The following GRM7 variants were observed in gnomAD, a reference collection of about 807,000 sequenced individuals.
The protein encoded by GRM7 is glutamate metabotropic receptor 7.
GRM7 carries 35 observed loss-of-function variants against 84.5 expected under a neutral mutation model. The ratio of observed to expected loss-of-function variants is 0.41; its 90% CI spans 0.32 to 0.55. The LOEUF (loss-of-function observed/expected upper bound fraction) is 0.55, where lower values mean the gene tolerates loss of function less well. Ranked by LOEUF, GRM7 falls within the 20% of genes least tolerant of loss-of-function variation. The probability of loss-of-function intolerance (pLI) is 0.19; values close to 1 mark genes in which losing one functional copy is unlikely to be tolerated. For missense variants in GRM7, 1,003 were observed against 1,194.6 expected (o/e 0.84, Z 2.36); for synonymous variants, 487 against 455.1 (o/e 1.07, Z -0.89).
intron 1 of GRM7, among the ~76,000 whole-genome samples, chr3:7,029,328 C>A (rs2324049): frequency 0.47 from 65,600 of 139,512 alleles, 15,948 homozygotes; most frequent in South Asian, 0.6. Context: ...AAAAAAAAAA[C>A]AAACAAAAAA....
At chr3:7,033,938 G>A (rs1045453196) in intron 1 of GRM7, among the ~76,000 whole-genome samples, 1 of 152,136 alleles carries the variant, frequency 6.6e-6, no homozygotes, top group African/African-American at 2.4e-5. Context: ...TTAGGTTACA[G>A]GTACAATAGA....
At chr3:7,135,604 A>G (rs1693745745) in intron 1 of GRM7, among the ~76,000 whole-genome samples, 2 of 152,174 alleles carry the variant, frequency 1.3e-5, no homozygotes, top group South Asian at 4.1e-4. Flanking sequence ...AAAAAGTAAG[A>G]TACTCCTCAG....
rs3063449 is a variant in GRM7 at position 6,998,119 on chromosome 3, C to CA, written c.519+136232dup. Among the ~76,000 whole-genome samples, 87 of 18,432 alleles carry CA rather than the reference C, an allele frequency of 4.7e-3. 6 individuals carry two copies. The highest frequency in any genetic ancestry group is 0.013 in the African/African-American group (71 of 5,460). The allele number at this position is 18,432 out of a possible 152,430, so 12.1% of individuals were successfully genotyped here. On this transcript the variant is annotated intron_variant, in intron 1 of 9. Coordinates refer to ENST00000357716, the MANE Select transcript of GRM7 (RefSeq NM_000844.4). ...GGGCAAAAACAGCAAATCTCCATCT[C>CA]AAAAAAAAAAAAAAAAAAAAGCAGG...
At chr3:6,921,928 A>G (rs1030694662) in intron 1 of GRM7, among the ~76,000 whole-genome samples, 6 of 152,142 alleles carry the variant, frequency 3.9e-5, no homozygotes, top group Non-Finnish European at 5.9e-5. Flanking sequence ...TGTGTAGCAC[A>G]CTTGCCACTT....
intron 8 of GRM7, among the ~76,000 whole-genome samples, chr3:7,652,190 C>T (rs1458700291): frequency 2.0e-5 from 3 of 152,136 alleles, no homozygotes; most frequent in Admixed American, 1.3e-4. Context: ...CAAACTGGTA[C>T]ATGTTTGAGA....
intron 1 of GRM7, among the ~76,000 whole-genome samples, chr3:6,979,420 A>G (rs970849893): frequency 3.3e-5 from 5 of 152,182 alleles, no homozygotes; most frequent in East Asian, 1.9e-4. Context: ...AAACATACCC[A>G]TAGACATGTG....
chr3:7,348,990 G>A (rs1254993947), intron 4 of GRM7, among the ~76,000 whole-genome samples: 1 of 152,104 alleles, frequency 6.6e-6, no homozygotes. Flanking sequence ...GATGGGCCAT[G>A]CCTTCATGCA....
At chr3:6,898,106 C>T (rs73124757) in intron 1 of GRM7, among the ~76,000 whole-genome samples, 22 of 152,066 alleles carry the variant, frequency 1.4e-4, no homozygotes, top group Non-Finnish European at 2.6e-4. Context: ...TTAGGCCATG[C>T]GAGACATCCA....
At chr3:7,338,024 A>G (rs1379345243) in intron 4 of GRM7, among the ~76,000 whole-genome samples, 1 of 151,826 alleles carries the variant, frequency 6.6e-6, no homozygotes, top group Admixed American at 6.6e-5. Context: ...ACAATGAGCA[A>G]ATAAAGAAAA....
At chr3:7,071,392 C>T (rs1697877581) in intron 1 of GRM7, among the ~76,000 whole-genome samples, 1 of 152,112 alleles carries the variant, frequency 6.6e-6, no homozygotes, top group African/African-American at 2.4e-5. Flanking sequence ...GGCTCCATCC[C>T]TGCTTTTAAA....
At chr3:7,543,450 C>T (rs1217688080) in intron 7 of GRM7, among the ~76,000 whole-genome samples, 1 of 152,210 alleles carries the variant, frequency 6.6e-6, no homozygotes, top group Non-Finnish European at 1.5e-5. Flanking sequence ...TATGCAGCTT[C>T]TGTGCCTGCT....
At chr3:7,094,389 G>A (rs1698780063) in intron 1 of GRM7, among the ~76,000 whole-genome samples, 1 of 152,142 alleles carries the variant, frequency 6.6e-6, no homozygotes, top group Non-Finnish European at 1.5e-5. Flanking sequence ...TTGACTGTTG[G>A]CCTTTAGAAG....
chr3:7,213,326 T>C (rs892754944), intron 2 of GRM7, among the ~76,000 whole-genome samples: 2 of 152,154 alleles, frequency 1.3e-5, no homozygotes, highest in Non-Finnish European at 1.5e-5. Flanking sequence ...CTTTCAAATA[T>C]CTAAGGAGTA....
At chr3:7,090,724 C>T (rs1008500588) in intron 1 of GRM7, among the ~76,000 whole-genome samples, 1 of 152,122 alleles carries the variant, frequency 6.6e-6, no homozygotes, top group East Asian at 1.9e-4. Context: ...ATTTAAGGAA[C>T]TCAAACTAGA....
At chr3:7,549,204 A>C (rs899295940) in intron 7 of GRM7, among the ~76,000 whole-genome samples, 5 of 152,220 alleles carry the variant, frequency 3.3e-5, no homozygotes, top group African/African-American at 1.2e-4. Flanking sequence ...CAATACATTA[A>C]ATTAAAAGCA....
chr3:7,258,358 G>A lies in GRM7; in HGVS notation c.737-40326G>A, dbSNP rs141587643. On this transcript the variant is annotated intron_variant, in intron 2 of 9. Transcript: ENST00000357716. Reference sequence around the variant, plus strand: ...ATGGGTGATCAAGTTGAGAAAGTAGGCTTTATGCCAACATTTGAAAACCCT... The same window carrying A: ...ATGGGTGATCAAGTTGAGAAAGTAGACTTTATGCCAACATTTGAAAACCCT... Among the ~76,000 whole-genome samples, 3 of 152,186 alleles carry A rather than the reference G, an allele frequency of 2.0e-5. No homozygotes were observed. In the East Asian group the frequency reaches 5.8e-4, roughly 29 times the overall value.
chr3:7,417,389 CT>C (rs933214749), intron 5 of GRM7, among the ~76,000 whole-genome samples: 2 of 151,974 alleles, frequency 1.3e-5, no homozygotes, highest in Non-Finnish European at 2.9e-5. Context: ...CTTGTCCTTC[CT>C]TTTTCCAAAT....
intron 1 of GRM7, among the ~76,000 whole-genome samples, chr3:7,073,124 C>A (rs1697945822): frequency 6.6e-6 from 1 of 151,904 alleles, no homozygotes; most frequent in Non-Finnish European, 1.5e-5. Flanking sequence ...TTTTTTCCTG[C>A]AACAAATGGT....
intron 1 of GRM7, among the ~76,000 whole-genome samples, chr3:6,932,941 G>A (rs565392661): frequency 6.6e-6 from 1 of 151,736 alleles, no homozygotes; most frequent in Admixed American, 6.6e-5. Context: ...TTCTAATAGA[G>A]TCGGAGTTTC....
Sources: allele counts gnomAD v4.1 joint callset (sites outside exome capture counted in the v4.1 genomes callset), GRCh38; gene constraint gnomAD v4.1.1; transcripts MANE v1.5; gene names NCBI Gene and HGNC (gene_info 2026-07-23, HGNC 2026-07-21).